The following KCNB2 variants were observed in gnomAD, a reference collection of about 807,000 sequenced individuals.
The protein encoded by KCNB2 is delayed rectifier potassium channel protein.
KCNB2 carries 15 observed loss-of-function variants against 61.5 expected under a neutral mutation model. The observed-to-expected ratio is 0.24, with a 90% CI of 0.16 to 0.38. The LOEUF (loss-of-function observed/expected upper bound fraction) is 0.38. Ranked by LOEUF, KCNB2 falls within the 10% of genes least tolerant of loss-of-function variation. The pLI is 1.00. For missense variants in KCNB2, 828 were observed against 1,125.2 expected (o/e 0.74, Z 3.78); for synonymous variants, 457 against 446.0 (o/e 1.02, Z -0.31).
chr8:72,821,173 C>T (rs529258827), intron 2 of KCNB2, among the ~76,000 whole-genome samples: 2 of 152,194 alleles, frequency 1.3e-5, no homozygotes, highest in African/African-American at 4.8e-5. Context: ...TTCTTTTGCT[C>T]CTAACCTTTC....
chr8:72,871,556 C>A (rs1805617776), intron 2 of KCNB2, among the ~76,000 whole-genome samples: 2 of 152,224 alleles, frequency 1.3e-5, no homozygotes, highest in South Asian at 4.1e-4. Flanking sequence ...CCCAGCATTT[C>A]CCATCCCAGT....
intron 2 of KCNB2, among the ~76,000 whole-genome samples, chr8:72,918,074 T>A (rs966283490): frequency 6.6e-6 from 1 of 152,232 alleles, no homozygotes. Context: ...ATTTTCAACC[T>A]ACCTAGTCAT....
intron 2 of KCNB2, among the ~76,000 whole-genome samples, chr8:72,756,382 T>C (rs981758682): frequency 2.6e-5 from 4 of 152,210 alleles, no homozygotes; most frequent in African/African-American, 9.6e-5. Context: ...TCCTATGTCC[T>C]GTATATGAGC....
intron 2 of KCNB2, among the ~76,000 whole-genome samples, chr8:72,624,884 G>C (rs79227456): frequency 2.6e-5 from 4 of 152,206 alleles, no homozygotes; most frequent in African/African-American, 9.7e-5. Context: ...TGGGCTGCCC[G>C]TGTTGGGAGC....
intron 2 of KCNB2, among the ~76,000 whole-genome samples, chr8:72,799,407 T>TTATTATTTATTATTAC (rs1809086276): frequency 6.6e-6 from 1 of 152,166 alleles, no homozygotes; most frequent in South Asian, 2.1e-4. Flanking sequence ...GAGCACATTA[T>TTATTATTTATTATTAC]TATTTTTTAT....
chr8:72,629,853 A>T (rs1805852061), intron 2 of KCNB2, among the ~76,000 whole-genome samples: 1 of 152,222 alleles, frequency 6.6e-6, no homozygotes, highest in African/African-American at 2.4e-5. Flanking sequence ...CAATTCAGTA[A>T]GCACACAGGT....
chr8:72,615,195 G>T, intron 2 of KCNB2, among the ~76,000 whole-genome samples: 1 of 152,202 alleles, frequency 6.6e-6, no homozygotes, highest in Non-Finnish European at 1.5e-5. Flanking sequence ...TACATCATTT[G>T]TTTTCTCTGA....
intron 2 of KCNB2, among the ~76,000 whole-genome samples, chr8:72,757,645 G>A (rs1375124488): frequency 1.3e-5 from 2 of 150,874 alleles, no homozygotes; most frequent in East Asian, 1.9e-4. Flanking sequence ...TTTTATGTGC[G>A]TGTGTGTGTG....
At chr8:72,596,978 ATGCTTGCT>A (rs1168366310) in intron 2 of KCNB2, among the ~76,000 whole-genome samples, 4 of 131,190 alleles carry the variant, frequency 3.0e-5, no homozygotes, top group South Asian at 5.4e-4. Context: ...GCCAACCAGC[ATGCTTGCT>A]TGCTTGCTTG....
chr8:72,715,301 C>T (rs546861967), intron 2 of KCNB2, among the ~76,000 whole-genome samples: 1 of 152,246 alleles, frequency 6.6e-6, no homozygotes, highest in South Asian at 2.1e-4. Context: ...CGGCTCTGCA[C>T]CAAGCAGACC....
At chr8:72,724,719 G>A (rs192761833) in intron 2 of KCNB2, among the ~76,000 whole-genome samples, 2 of 152,260 alleles carry the variant, frequency 1.3e-5, no homozygotes, top group Admixed American at 6.5e-5. Flanking sequence ...AGTTAACGAT[G>A]CATCCTGTAT....
chr8:72,920,441 A>ATATCTATC lies in KCNB2; in HGVS notation c.580-15466_580-15459dup, dbSNP rs568926581. Among the ~76,000 whole-genome samples, 700 of 105,198 alleles carry ATATCTATC rather than the reference A, an allele frequency of 6.7e-3. 71 individuals carry two copies. The highest frequency in any genetic ancestry group is 0.021 in the African/African-American group (599 of 28,094). The allele number at this position is 105,198 out of a possible 152,430, so 69.0% of individuals were successfully genotyped here. A position where few individuals can be genotyped will look rare whatever the true frequency, so the allele number is the denominator to read the frequency against. ...AACATGGCAAAACCCCCTCTCCACT[A>ATATCTATC]TATCTATCTATCTATCTATCTATCT... On this transcript the variant is annotated intron_variant, in intron 2 of 2. Transcript: ENST00000523207.
chr8:72,818,935 CT>C lies in KCNB2; in HGVS notation c.580-116999del, dbSNP rs576455927. 6.6e-5 allele frequency among the ~76,000 whole-genome samples: 10 copies of C among 152,304 alleles called. No homozygotes were observed. In the South Asian group the frequency reaches 2.1e-3, roughly 32 times the overall value. ...ACAACTGCAGGGTTGCATCTTGGTT[CT>C]ACTGCTTACCAGTTGTGTAAAACCA... is the stretch of plus-strand genomic sequence containing the variant. On this transcript the variant is annotated intron_variant, in intron 2 of 2. Coordinates refer to ENST00000523207, the MANE Select transcript of KCNB2 (RefSeq NM_004770.3).
chr8:72,832,898 C>T (rs1314954249), intron 2 of KCNB2, among the ~76,000 whole-genome samples: 1 of 152,164 alleles, frequency 6.6e-6, no homozygotes, highest in Non-Finnish European at 1.5e-5. Flanking sequence ...GAGATACTCT[C>T]TGTCTTCCAA....
At chr8:72,741,753 C>G (rs949933062) in intron 2 of KCNB2, among the ~76,000 whole-genome samples, 3 of 152,108 alleles carry the variant, frequency 2.0e-5, no homozygotes, top group Non-Finnish European at 4.4e-5. Flanking sequence ...TTATTTTGTT[C>G]TTTTTTATGG....
intron 2 of KCNB2, among the ~76,000 whole-genome samples, chr8:72,846,900 A>T (rs982628562): frequency 6.6e-6 from 1 of 152,206 alleles, no homozygotes; most frequent in Non-Finnish European, 1.5e-5. Flanking sequence ...CAGCCATCCC[A>T]TTACTAGGTA....
At chr8:72,544,872 G>A (rs1806237006) in intron 1 of KCNB2, among the ~76,000 whole-genome samples, 1 of 152,124 alleles carries the variant, frequency 6.6e-6, no homozygotes, top group South Asian at 2.1e-4. Flanking sequence ...GGAAGAGAAT[G>A]AACATAGAGA....
chr8:72,851,799 T>C (rs1256828890), intron 2 of KCNB2, among the ~76,000 whole-genome samples: 1 of 83,310 alleles, frequency 1.2e-5, no homozygotes, highest in Non-Finnish European at 3.1e-5. Flanking sequence ...TTCTTCTTCC[T>C]TTTTTTTTTT....
At chr8:72,835,421 A>G (rs1321874712) in intron 2 of KCNB2, among the ~76,000 whole-genome samples, 1 of 152,202 alleles carries the variant, frequency 6.6e-6, no homozygotes, top group Non-Finnish European at 1.5e-5. Flanking sequence ...TGAAAGATGG[A>G]GAGTTCTCAA....
Sources: allele counts gnomAD v4.1 joint callset (sites outside exome capture counted in the v4.1 genomes callset), GRCh38; gene constraint gnomAD v4.1.1; transcripts MANE v1.5; gene names NCBI Gene and HGNC (gene_info 2026-07-23, HGNC 2026-07-21).